The following DIAPH2 variants were observed in gnomAD, a reference collection of about 807,000 sequenced individuals.
The protein encoded by DIAPH2 is diaphanous related formin 2.
Under a neutral mutation model 92.7 loss-of-function variants are expected in DIAPH2, and 35 were observed. The observed-to-expected ratio is 0.38, with a 90% CI of 0.29 to 0.50. DIAPH2 has a LOEUF of 0.50. Ranked by LOEUF, DIAPH2 falls within the 20% of genes least tolerant of loss-of-function variation. DIAPH2 has a pLI of 0.94. For missense variants in DIAPH2, 701 were observed against 819.5 expected, an observed-to-expected ratio of 0.86 and a Z score of 1.77; for synonymous variants, 301 against 280.4, an observed-to-expected ratio of 1.07 and a Z score of -0.73.
chrX:97,585,725 A>G (rs1029690541), intron 26 of DIAPH2, among the ~76,000 whole-genome samples: 1 of 111,405 alleles, frequency 9.0e-6, no homozygotes, highest in Non-Finnish European at 1.9e-5. Context: ...AGTGTAAGTT[A>G]TATTCATTGC....
At chrX:97,336,330 C>T (rs898547746) in intron 23 of DIAPH2, among the ~76,000 whole-genome samples, 3 of 106,379 alleles carry the variant, frequency 2.8e-5, no homozygotes, top group Non-Finnish European at 3.9e-5. Flanking sequence ...CTGTAAGCTC[C>T]GCCTCCCGGG....
At chrX:96,987,369 C>T (rs1426771853) in intron 17 of DIAPH2, among the ~76,000 whole-genome samples, 1 of 111,556 alleles carries the variant, frequency 9.0e-6, no homozygotes, top group Non-Finnish European at 1.9e-5. Context: ...TATTGAATTT[C>T]TATCATATGC....
intron 4 of DIAPH2, among the ~76,000 whole-genome samples, chrX:96,827,764 A>AT (rs1300508405): frequency 4.5e-5 from 5 of 112,287 alleles, no homozygotes; most frequent in African/African-American, 1.6e-4. Context: ...ATTCCAGGTC[A>AT]TGAAGCCTCT....
chrX:97,594,078 A>G (rs2071535167), intron 26 of DIAPH2, among the ~76,000 whole-genome samples: 1 of 111,650 alleles, frequency 9.0e-6, no homozygotes, highest in Non-Finnish European at 1.9e-5. Flanking sequence ...GCATATGTAA[A>G]GATGTAACTG....
chrX:97,297,628 G>C (rs755160149), intron 23 of DIAPH2, among the ~76,000 whole-genome samples: 1 of 92,472 alleles, frequency 1.1e-5, no homozygotes, highest in Admixed American at 1.3e-4. Context: ...TTTTTTCAGT[G>C]TGGTTGGAGC....
intron 22 of DIAPH2, among the ~76,000 whole-genome samples, chrX:97,200,402 G>C (rs2067737627): frequency 8.9e-5 from 1 of 11,192 alleles, no homozygotes; most frequent in African/African-American, 2.4e-4. Context: ...TCGCTCAGCA[G>C]GTCCCATTCC....
chrX:97,418,264 A>T (rs1465049150), intron 25 of DIAPH2, among the ~76,000 whole-genome samples: 1 of 112,409 alleles, frequency 8.9e-6, no homozygotes, highest in African/African-American at 3.2e-5. Flanking sequence ...TTTTATAATG[A>T]AAGAAAGAAG....
intron 23 of DIAPH2, among the ~76,000 whole-genome samples, chrX:97,262,159 GC>G (rs753479380): frequency 1.9e-5 from 2 of 107,568 alleles, no homozygotes; most frequent in African/African-American, 6.8e-5. Context: ...GTGTTGTAGA[GC>G]ATCAAAATAA....
At chrX:97,482,537 C>T (rs968135313) in intron 26 of DIAPH2, among the ~76,000 whole-genome samples, 1 of 110,754 alleles carries the variant, frequency 9.0e-6, no homozygotes, top group Admixed American at 9.7e-5. Flanking sequence ...CTGCCAACAG[C>T]AGGGGGGAGA....
intron 17 of DIAPH2, among the ~76,000 whole-genome samples, chrX:97,005,264 A>T (rs1020693470): frequency 1.5e-4 from 16 of 109,441 alleles, no homozygotes; most frequent in Non-Finnish European, 2.1e-4. Flanking sequence ...TTCTTTTTTA[A>T]TGTGTCCTAG....
chrX:97,525,747 G>T (rs957182502), intron 26 of DIAPH2, among the ~76,000 whole-genome samples: 5 of 111,879 alleles, frequency 4.5e-5, no homozygotes, highest in African/African-American at 1.3e-4. Flanking sequence ...TTTATTAGGA[G>T]AAATAAAAAC....
chrX:97,103,698 G>A (rs777087329), intron 20 of DIAPH2, among the ~76,000 whole-genome samples: 42 of 111,719 alleles, frequency 3.8e-4, no homozygotes, highest in African/African-American at 1.3e-3. Flanking sequence ...TGTTTCTAGA[G>A]TGTATCTGTA....
At position 96,934,972 on chromosome X, in the gene DIAPH2, TTGAC is replaced by T. The variant is rs1362066175; in HGVS notation, c.1090-2258_1090-2255del. Among the ~76,000 whole-genome samples, 3 of 111,935 alleles carry T rather than the reference TTGAC, an allele frequency of 2.7e-5. No homozygotes were observed. In the Admixed American group the frequency reaches 2.9e-4, roughly 11 times the overall value. On this transcript the variant is annotated intron_variant, in intron 10 of 26. Coordinates refer to ENST00000324765, the MANE Select transcript of DIAPH2 (RefSeq NM_006729.5). ...GTTTTAAAGACTCAATTTTGGTTGT[TTGAC>T]TGTTAATCAGCAGTGTACTGGCAAT...
chrX:97,149,107 G>A (rs763930292), intron 22 of DIAPH2, among the ~76,000 whole-genome samples: 2 of 111,372 alleles, frequency 1.8e-5, no homozygotes, highest in Non-Finnish European at 3.8e-5. Flanking sequence ...TAGTTTCATT[G>A]AAAAATCTTT....
At chrX:97,126,318 T>TGAAG (rs2067094327) in intron 21 of DIAPH2, among the ~76,000 whole-genome samples, 2 of 112,029 alleles carry the variant, frequency 1.8e-5, no homozygotes, top group Non-Finnish European at 3.8e-5. Context: ...GTGAAGGCAT[T>TGAAG]GCACAACCTT....
chrX:97,375,887 CTTAGCAAGGCCTG>C (rs1569378383), intron 24 of DIAPH2, among the ~76,000 whole-genome samples: 1 of 111,624 alleles, frequency 9.0e-6, no homozygotes, highest in Non-Finnish European at 1.9e-5. Context: ...TATCAGAAAG[CTTAGCAAGGCCTG>C]GGGTAGGGAA....
chrX:97,432,416 T>C (rs1302797903), intron 26 of DIAPH2, among the ~76,000 whole-genome samples: 2 of 111,186 alleles, frequency 1.8e-5, no homozygotes, highest in African/African-American at 6.5e-5. Context: ...TGCCTCAGCC[T>C]CTCCAGTATC....
chrX:97,372,268 T>A, intron 24 of DIAPH2, among the ~76,000 whole-genome samples: 1 of 112,343 alleles, frequency 8.9e-6, no homozygotes, highest in Admixed American at 9.4e-5. Flanking sequence ...TGTAACCAAC[T>A]GTAAGTTTAA....
intron 22 of DIAPH2, among the ~76,000 whole-genome samples, chrX:97,149,894 T>G (rs2147421779): frequency 9.0e-6 from 1 of 111,061 alleles, no homozygotes; most frequent in Non-Finnish European, 1.9e-5. Context: ...TTTTCCAGTC[T>G]GTAAGACTTC....
Sources: allele counts gnomAD v4.1 joint callset (sites outside exome capture counted in the v4.1 genomes callset), GRCh38; gene constraint gnomAD v4.1.1; transcripts MANE v1.5; gene names NCBI Gene and HGNC (gene_info 2026-07-23, HGNC 2026-07-21).